Variants in AKNAD1 observed in about 807,000 individuals in gnomAD.
AKNAD1 encodes protein AKNAD1.
AKNAD1 carries 67 observed loss-of-function variants against 90.8 expected under a neutral mutation model. The ratio of observed to expected loss-of-function variants is 0.74; its 90% CI spans 0.61 to 0.90. The LOEUF (loss-of-function observed/expected upper bound fraction) is 0.90. AKNAD1 is among the 40% of genes least tolerant of loss of function. The pLI is 0.00. For missense variants in AKNAD1, 957 were observed against 975.4 expected (o/e 0.98, Z 0.25); for synonymous variants, 327 against 341.4 (o/e 0.96, Z 0.46).
intron 3 of AKNAD1, 111 bp downstream of exon 3, chr1:108,849,426 C>T: frequency 6.9e-6 from 5 of 729,136 alleles, no homozygotes; most frequent in Non-Finnish European, 1.2e-5. Flanking sequence ...CTGCAATGAA[C>T]CAAGATTGTG....
intron 9 of AKNAD1, among the ~76,000 whole-genome samples, chr1:108,831,306 A>G (rs1664187243): frequency 6.6e-6 from 1 of 152,232 alleles, no homozygotes; most frequent in Non-Finnish European, 1.5e-5. Context: ...CATCATTATA[A>G]ACAATGGCAG....
At chr1:108,853,917 C>CA (rs1664947308) in intron 1 of AKNAD1, among the ~76,000 whole-genome samples, 1 of 146,492 alleles carries the variant, frequency 6.8e-6, no homozygotes. Context: ...GCCTAGGTGA[C>CA]AGAGAGAGAC....
At chr1:108,817,022 T>C in intron 15 of AKNAD1, 26 bp downstream of exon 15, 1 of 1,612,718 alleles carries the variant, frequency 6.2e-7, no homozygotes, top group Non-Finnish European at 8.5e-7. Context: ...CTGCAATGCT[T>C]CTCGAATGAT....
In AKNAD1 at chr1:108,852,228, G is replaced by A. The variant is rs774838943; in HGVS notation, c.437C>T (p.Ala146Val). ...ISNADSFEEE[A>V]IIKSIISCYN... ...ACATGAAATAATACTTTTAATAATAGCTTCCTCTTCAAAACTGTCGGCATT... is the reference window on the plus strand; with the variant it reads ...ACATGAAATAATACTTTTAATAATAACTTCCTCTTCAAAACTGTCGGCATT... Residue 146 changes from alanine to valine, a missense_variant, in exon 2 of 16, where the codon GCT becomes GTT. Coordinates refer to ENST00000370001, the MANE Select transcript of AKNAD1 (RefSeq NM_152763.5). The A allele has an allele frequency of 6.8e-6, 11 of 1,613,266 alleles. 1 individual carries two copies. In the South Asian group the frequency reaches 7.7e-5, roughly 11 times the overall value.
chr1:108,825,592 T>C (rs1037138838), intron 11 of AKNAD1, among the ~76,000 whole-genome samples: 1 of 151,652 alleles, frequency 6.6e-6, no homozygotes, highest in Non-Finnish European at 1.5e-5. Context: ...CCATTTTATA[T>C]ACCTGAGGTG....
In AKNAD1 at chr1:108,849,050, A is replaced by C; in HGVS notation, c.1044T>G (p.Ser348=). ...IHQELLTGIE[S]EASLSKLSPT... is the part of the protein sequence containing the mutation. Reference sequence around the variant, plus strand: ...GTGACAACTTAGAGAGACTTGCCTCAGATTCTATTCCTATACAAGAAAGAA... The same window carrying C: ...GTGACAACTTAGAGAGACTTGCCTCCGATTCTATTCCTATACAAGAAAGAA... The change falls in exon 4 of 16, where the codon TCT becomes TCG. Residue 348 remains serine (S), a synonymous_variant. Transcript: ENST00000370001. The C allele has an allele frequency of 6.3e-7, 1 of 1,598,678 alleles. No homozygotes were observed.
chr1:108,843,864 G>A (rs1282615727), intron 5 of AKNAD1, among the ~76,000 whole-genome samples: 2 of 152,174 alleles, frequency 1.3e-5, no homozygotes, highest in Admixed American at 1.3e-4. Flanking sequence ...GCAGCCTCAA[G>A]CAGATGAATG....
At chr1:108,837,909 G>C (rs1019651753) in intron 6 of AKNAD1, among the ~76,000 whole-genome samples, 1 of 152,106 alleles carries the variant, frequency 6.6e-6, no homozygotes, top group Admixed American at 6.6e-5. Context: ...CATTAGCTGC[G>C]TATCCTTGTA....
At chr1:108,830,904 G>T (rs774122715) in intron 9 of AKNAD1, among the ~76,000 whole-genome samples, 8 of 152,198 alleles carry the variant, frequency 5.3e-5, no homozygotes, top group African/African-American at 9.6e-5. Flanking sequence ...CTGAAGAATG[G>T]AAGTTTCCAC....
chr1:108,831,159 G>A (rs1470342916), intron 9 of AKNAD1, among the ~76,000 whole-genome samples: 1 of 152,146 alleles, frequency 6.6e-6, no homozygotes, highest in African/African-American at 2.4e-5. Context: ...CTGTCTGGGG[G>A]CCTAAATGAT....
chr1:108,826,768 C>A (rs1664010023), intron 11 of AKNAD1, among the ~76,000 whole-genome samples: 1 of 138,076 alleles, frequency 7.2e-6, no homozygotes, highest in Non-Finnish European at 1.5e-5. Context: ...GAAACAGGGT[C>A]CTACTCTGTC....
At chr1:108,848,698 T>C (rs1044387268) in intron 5 of AKNAD1, 54 bp downstream of exon 5, 1 of 1,481,912 alleles carries the variant, frequency 6.7e-7, no homozygotes, top group Admixed American at 2.0e-5. Context: ...TATTTATCTT[T>C]ATCCAAGCCA....
intron 1 of AKNAD1, among the ~76,000 whole-genome samples, chr1:108,856,005 C>T (rs1356591154): frequency 1.3e-5 from 2 of 151,422 alleles, no homozygotes; most frequent in African/African-American, 4.9e-5. Flanking sequence ...GCGCACACCA[C>T]CACACCTGAC....
chr1:108,847,578 T>C (rs868940), intron 5 of AKNAD1, among the ~76,000 whole-genome samples: 128,549 of 151,052 alleles, frequency 0.85, 54,964 homozygotes, highest in South Asian at 0.91. Flanking sequence ...TGTCACCACG[T>C]GCTCCCAAGT....
intron 11 of AKNAD1, among the ~76,000 whole-genome samples, chr1:108,826,363 C>T (rs1371168210): frequency 6.6e-6 from 1 of 151,666 alleles, no homozygotes; most frequent in Admixed American, 6.6e-5. Context: ...TCAGAAGCTG[C>T]CTGAGCAGAG....
chr1:108,851,959 G>C lies in AKNAD1; in HGVS notation c.706C>G (p.Gln236Glu), dbSNP rs1422474868. The change falls in exon 2 of 16, where the codon CAG becomes GAG. Residue 236 changes from glutamine to glutamate, a missense_variant. By Grantham distance (29) the Gln-to-Glu change is conservative. Coordinates refer to ENST00000370001, the MANE Select transcript of AKNAD1 (RefSeq NM_152763.5). ...KSYQGQSPQK[Q>E]QTEKANSGNT... ...CCTGAATTTGCTTTTTCAGTCTGCT[G>C]TTTCTGGGGTGACTGCCCTTGATAA... The C allele has an allele frequency of 1.2e-6, 2 of 1,614,236 alleles. No individual in the cohort carries two copies. Among genetic ancestry groups the C allele is most frequent in the Non-Finnish European group, 1.7e-6 (2 of 1,180,046 alleles).
At chr1:108,819,926 A>G (rs1420252493) in intron 14 of AKNAD1, among the ~76,000 whole-genome samples, 1 of 151,476 alleles carries the variant, frequency 6.6e-6, no homozygotes, top group Non-Finnish European at 1.5e-5. Context: ...CAGCAAAAAA[A>G]AAAAAAAAAA....
Position 108,852,385 on chromosome 1 carries a change from C to G in AKNAD1, c.280G>C (p.Ala94Pro). ...KDEKEKQCTA[A>P]LHIPANEGDA... ...CCTTCATTTGCTGGAATATGAAGAG[C>G]TGCAGTGCATTGTTTCTCTTTCTCG... The change falls in exon 2 of 16, where the codon GCT (alanine) becomes CCT (proline). Residue 94 changes from alanine (A) to proline (P), a missense_variant. Transcript: ENST00000370001. 1 of 1,614,080 alleles carries G rather than the reference C, an allele frequency of 6.2e-7. No individual in the cohort carries two copies. The highest frequency in any genetic ancestry group is 8.5e-7 in the Non-Finnish European group (1 of 1,180,012).
chr1:108,828,494 G>A (rs1664084029), intron 10 of AKNAD1, among the ~76,000 whole-genome samples: 2 of 151,732 alleles, frequency 1.3e-5, no homozygotes, highest in African/African-American at 4.8e-5. Context: ...TTCTTAGTAT[G>A]GAAGGCACTG....
Sources: gnomAD v4.1 joint callset for allele counts (sites outside exome capture counted in the v4.1 genomes callset) on GRCh38, gnomAD v4.1.1 for gene constraint, MANE v1.5 for transcripts, NCBI Gene and HGNC (gene_info 2026-07-23, HGNC 2026-07-21) for gene names.